The following TXNRD2 variants were observed in gnomAD, a reference collection of about 807,000 sequenced individuals.
TXNRD2 encodes the protein thioredoxin reductase 2, mitochondrial.
In TXNRD2, 67 loss-of-function variants were observed where a neutral mutation model predicts 70.8. The observed-to-expected ratio is 0.95, with a 90% CI of 0.78 to 1.16. TXNRD2 has a LOEUF of 1.16. TXNRD2 is among the 50% of genes most tolerant of loss of function. The probability of loss-of-function intolerance (pLI) is 0.00; values close to 1 mark genes in which losing one functional copy is unlikely to be tolerated. For synonymous variants in TXNRD2, 301 were observed against 295.8 expected (o/e 1.02, Z -0.18); for missense variants, 644 against 719.9 (o/e 0.89, Z 1.21).
At chr22:19,896,019 C>T (rs945086011) in intron 10 of TXNRD2, among the ~76,000 whole-genome samples, 2 of 148,758 alleles carry the variant, frequency 1.3e-5, no homozygotes, top group Non-Finnish European at 3.0e-5. Flanking sequence ...TAAGCAAGGC[C>T]GGGTGCGATG....
intron 10 of TXNRD2, among the ~76,000 whole-genome samples, chr22:19,897,827 T>C (rs1030273075): frequency 4.6e-5 from 7 of 152,232 alleles, no homozygotes; most frequent in African/African-American, 1.4e-4. Flanking sequence ...TGGAGGCCTC[T>C]GTGCAGCTGT....
rs1940744233 is a variant in TXNRD2 at position 19,918,617 on chromosome 22, C to T, written c.374+243G>A. 2.0e-5 allele frequency among the ~76,000 whole-genome samples: 3 copies of T among 152,140 alleles called. No individual in the cohort carries two copies. In the South Asian group the frequency reaches 6.2e-4, roughly 32 times the overall value. ...ATGCACTGTTCTTGGTGGGGCTGTG[C>T]TGTGCATGGCTGTAGCATCCCTGGG... On this transcript the variant is annotated intron_variant, in intron 4 of 17. Coordinates refer to ENST00000400521, the MANE Select transcript of TXNRD2 (RefSeq NM_006440.5).
chr22:19,915,001 C>A, intron 7 of TXNRD2: 1 of 577,864 alleles, frequency 1.7e-6, no homozygotes, highest in South Asian at 1.8e-5. Flanking sequence ...CGAGAGCTGT[C>A]CTGAGGATCT....
intron 8 of TXNRD2, among the ~76,000 whole-genome samples, chr22:19,902,629 C>G (rs1405154841): frequency 6.6e-6 from 1 of 152,208 alleles, no homozygotes; most frequent in East Asian, 1.9e-4. Flanking sequence ...CCCAACCCCT[C>G]AGGGGCAGAT....
intron 10 of TXNRD2, 38 bp from the exon 11 acceptor site, chr22:19,895,619 G>A (rs1335077909): frequency 6.2e-7 from 1 of 1,602,790 alleles, no homozygotes; most frequent in Non-Finnish European, 8.5e-7. Context: ...AAGACCAGGT[G>A]GCCGTGGGAG....
chr22:19,932,344 G>A (rs774515938), intron 1 of TXNRD2: 1 of 1,612,482 alleles, frequency 6.2e-7, no homozygotes, highest in Admixed American at 1.7e-5. Flanking sequence ...GGCTGGTTGT[G>A]GTGTCGCCTC....
intron 2 of TXNRD2, among the ~76,000 whole-genome samples, chr22:19,926,713 C>G (rs5748477): frequency 0.55 from 83,528 of 151,496 alleles, 23,143 homozygotes; most frequent in East Asian, 0.69. Context: ...CCCGAGAGGC[C>G]GAGGTTGCAG....
intron 4 of TXNRD2, 135 bp downstream of exon 4, chr22:19,918,725 G>A (rs565034299): frequency 2.3e-5 from 25 of 1,074,150 alleles, no homozygotes; most frequent in Middle Eastern, 3.0e-4. Flanking sequence ...GGCAGACAGC[G>A]CAGAGTCGCC....
intron 1 of TXNRD2, chr22:19,932,426 T>C: frequency 6.2e-7 from 1 of 1,612,146 alleles, no homozygotes; most frequent in African/African-American, 1.3e-5. Context: ...AAAGGTGTCA[T>C]CGTGTCTACT....
chr22:19,907,173 GGC>G (rs1216824315), intron 8 of TXNRD2, among the ~76,000 whole-genome samples: 33 of 87,210 alleles, frequency 3.8e-4, no homozygotes, highest in South Asian at 6.1e-4. Context: ...GGAGAGTGTG[GGC>G]GCACCATGAG....
chr22:19,891,282 C>T (rs1939252164), intron 11 of TXNRD2, among the ~76,000 whole-genome samples: 1 of 152,226 alleles, frequency 6.6e-6, no homozygotes, highest in Non-Finnish European at 1.5e-5. Context: ...GGCACAACAG[C>T]TGCCTGGCTG....
chr22:19,886,260 T>G (rs1473139242), intron 11 of TXNRD2, among the ~76,000 whole-genome samples: 1 of 152,232 alleles, frequency 6.6e-6, no homozygotes, highest in African/African-American at 2.4e-5. Flanking sequence ...CCAGCTCCAC[T>G]TGGGTGGGGC....
rs1219704005 is a variant in TXNRD2 at position 19,918,129 on chromosome 22, G to C, written c.449+14C>G. On this transcript the variant is annotated intron_variant, in intron 5 of 17. Transcript: ENST00000400521. ...GCCCAGAGGGCGGCCCATTCCCGGA[G>C]AGAGCTTCAGTACCTGTCCTGAAGC... is the stretch of plus-strand genomic sequence containing the variant. The C allele has an allele frequency of 4.3e-6, 7 of 1,613,306 alleles. No homozygotes were observed. In the African/African-American group the frequency reaches 6.7e-5, roughly 15 times the overall value.
intron 5 of TXNRD2, 69 bp from the exon 6 acceptor site, chr22:19,915,912 G>T: frequency 7.0e-7 from 1 of 1,420,234 alleles, no homozygotes; most frequent in Non-Finnish European, 9.8e-7. Flanking sequence ...GGATCAATAG[G>T]GAACACTGGT....
chr22:19,907,472 G>A (rs1464371336), intron 8 of TXNRD2, among the ~76,000 whole-genome samples: 3 of 37,006 alleles, frequency 8.1e-5, no homozygotes, highest in African/African-American at 4.3e-4. Context: ...AGCAGTGACC[G>A]CTCTCAGGAG....
chr22:19,885,126 C>T (rs1242773661), intron 11 of TXNRD2, among the ~76,000 whole-genome samples: 3 of 152,208 alleles, frequency 2.0e-5, no homozygotes, highest in Non-Finnish European at 4.4e-5. Flanking sequence ...CATAGCCGAA[C>T]AGCCAGCAGA....
At chr22:19,933,474 G>T in intron 1 of TXNRD2, 1 of 1,289,692 alleles carries the variant, frequency 7.8e-7, no homozygotes, top group Non-Finnish European at 1.0e-6. Flanking sequence ...GCCATAGCAG[G>T]GCCCTTGTTA....
intron 7 of TXNRD2, 113 bp downstream of exon 7, chr22:19,915,101 G>C: frequency 1.1e-6 from 1 of 950,852 alleles, no homozygotes; most frequent in Non-Finnish European, 1.7e-6. Context: ...TGAGTATAGG[G>C]GGAAAGGGTG....
rs546501858 is a variant in TXNRD2 at position 19,925,091 on chromosome 22, T to G, written c.173-5492A>C. On this transcript the variant is annotated intron_variant, in intron 2 of 17. Coordinates refer to ENST00000400521, the MANE Select transcript of TXNRD2 (RefSeq NM_006440.5). ...CAAGGTCAGGAGATCGAGACCATCC[T>G]GGCTAACACGGCGAAGCCCCGTTTC... Among the ~76,000 whole-genome samples the G allele has an allele frequency of 5.9e-5, 9 of 151,348 alleles. No individual in the cohort carries two copies. In the East Asian group the frequency reaches 1.2e-3, roughly 20 times the overall value.
Sources: gnomAD v4.1 joint callset for allele counts (sites outside exome capture counted in the v4.1 genomes callset) on GRCh38, gnomAD v4.1.1 for gene constraint, MANE v1.5 for transcripts, NCBI Gene and HGNC (gene_info 2026-07-23, HGNC 2026-07-21) for gene names.